The following SGCG variants were observed in gnomAD, a reference collection of about 807,000 sequenced individuals.
SGCG encodes gamma-sarcoglycan.
SGCG carries 26 observed loss-of-function variants against 29.3 expected under a neutral mutation model. The ratio of observed to expected loss-of-function variants is 0.89; its 90% CI spans 0.65 to 1.23. The LOEUF (loss-of-function observed/expected upper bound fraction) is 1.23, where lower values mean the gene tolerates loss of function less well. SGCG is among the 50% of genes most tolerant of loss of function. The pLI, the probability that SGCG is intolerant of heterozygous loss-of-function variation, is 0.00. For missense variants in SGCG, 353 were observed against 356.0 expected (o/e 0.99, Z 0.07); for synonymous variants, 145 against 129.7 (o/e 1.12, Z -0.80).
At chr13:23,175,537 C>A in the SGCG span, among the ~76,000 whole-genome samples, 1 of 152,120 alleles carries the variant, frequency 6.6e-6, no homozygotes. Flanking sequence ...GTCATGAGTT[C>A]ATGGAAGCCA....
chr13:23,175,149 G>A, the SGCG span, among the ~76,000 whole-genome samples: 2 of 152,222 alleles, frequency 1.3e-5, no homozygotes, highest in East Asian at 1.9e-4. Flanking sequence ...GGAAAGTGCT[G>A]CAGGATGAAA....
intron 4 of SGCG, among the ~76,000 whole-genome samples, chr13:23,277,448 G>T (rs1342871784): frequency 6.6e-6 from 1 of 151,462 alleles, no homozygotes; most frequent in Non-Finnish European, 1.5e-5. Flanking sequence ...AGAGAAAAAA[G>T]TCAACTTTAT....
intron 2 of SGCG, among the ~76,000 whole-genome samples, chr13:23,227,387 TATTGCTTATGGGAATGCAAA>T (rs1331765064): frequency 6.6e-6 from 1 of 151,676 alleles, no homozygotes; most frequent in Non-Finnish European, 1.5e-5. Flanking sequence ...AACTCTCCTA[TATTGCTTATGGGAATGCAAA>T]ATGGTGTGGC....
chr13:23,308,313 C>A (rs535918), intron 6 of SGCG, among the ~76,000 whole-genome samples: 84,215 of 151,996 alleles, frequency 0.55, 24,491 homozygotes, highest in East Asian at 0.84. Flanking sequence ...AAATAATTTT[C>A]TTTTGCTTTC....
intron 2 of SGCG, among the ~76,000 whole-genome samples, chr13:23,229,218 T>C (rs1879015534): frequency 6.6e-6 from 1 of 152,192 alleles, no homozygotes; most frequent in Non-Finnish European, 1.5e-5. Flanking sequence ...TTTAAGTTGA[T>C]TCCATGTCTT....
intron 6 of SGCG, among the ~76,000 whole-genome samples, chr13:23,301,983 T>C (rs1882177773): frequency 6.6e-6 from 1 of 152,144 alleles, no homozygotes; most frequent in African/African-American, 2.4e-5. Context: ...TGATGACCTT[T>C]TATGGTTTAA....
chr13:23,163,741 A>G, the SGCG span, among the ~76,000 whole-genome samples: 6 of 152,216 alleles, frequency 3.9e-5, no homozygotes, highest in African/African-American at 7.2e-5. Context: ...AAACTAAGAT[A>G]TAGTAAGTTA....
intron 4 of SGCG, among the ~76,000 whole-genome samples, chr13:23,269,823 T>C (rs1023043424): frequency 4.0e-5 from 6 of 151,608 alleles, no homozygotes; most frequent in Non-Finnish European, 8.8e-5. Context: ...AGAGTAACAA[T>C]TGCATATGTA....
intron 1 of SGCG, among the ~76,000 whole-genome samples, chr13:23,200,905 G>A (rs1031593504): frequency 5.9e-5 from 9 of 152,170 alleles, no homozygotes; most frequent in Non-Finnish European, 2.9e-5. Flanking sequence ...TGGAGCAGGA[G>A]GAGTCAGGGC....
At chr13:23,253,380 G>A (rs973677252) in intron 4 of SGCG, among the ~76,000 whole-genome samples, 3 of 152,184 alleles carry the variant, frequency 2.0e-5, no homozygotes, top group South Asian at 4.1e-4. Context: ...ATCTTTAGTT[G>A]GAAAGTCTCT....
intron 2 of SGCG, among the ~76,000 whole-genome samples, chr13:23,208,382 C>T (rs560323964): frequency 1.8e-4 from 27 of 152,166 alleles, no homozygotes; most frequent in Non-Finnish European, 2.6e-4. Flanking sequence ...AAACTAACTA[C>T]AAATGATATA....
intron 7 of SGCG, among the ~76,000 whole-genome samples, chr13:23,322,458 G>A (rs528720366): frequency 1.3e-5 from 2 of 152,300 alleles, no homozygotes; most frequent in East Asian, 1.9e-4. Flanking sequence ...CATATGGCCT[G>A]TGTTGCAAGG....
At chr13:23,210,521 C>G (rs1019313719) in intron 2 of SGCG, among the ~76,000 whole-genome samples, 53 of 152,168 alleles carry the variant, frequency 3.5e-4, no homozygotes, top group African/African-American at 1.2e-3. Context: ...GAAACCCTGT[C>G]TCTACTAAAA....
chr13:23,276,854 T>C (rs534350021), intron 4 of SGCG, among the ~76,000 whole-genome samples: 2 of 152,374 alleles, frequency 1.3e-5, no homozygotes, highest in African/African-American at 4.8e-5. Flanking sequence ...TGCATCCCAA[T>C]GCTTAGCAAA....
chr13:23,189,769 CA>C (rs1817731991), intron 1 of SGCG, among the ~76,000 whole-genome samples: 1 of 152,126 alleles, frequency 6.6e-6, no homozygotes, highest in African/African-American at 2.4e-5. Flanking sequence ...AGATAAGAGA[CA>C]AGAGAGAAAG....
the SGCG span, among the ~76,000 whole-genome samples, chr13:23,160,631 C>A: frequency 6.6e-6 from 1 of 152,140 alleles, no homozygotes; most frequent in African/African-American, 2.4e-5. Context: ...CCCCGGGACT[C>A]CAAGAAGTAC....
chr13:23,248,127 TA>T lies in SGCG; in HGVS notation c.298-2497del, dbSNP rs553926208. Among the ~76,000 whole-genome samples, 9 of 151,038 alleles carry T rather than the reference TA, an allele frequency of 6.0e-5. No individual in the cohort carries two copies. The East Asian group carries it at 1.8e-3, about 30-fold the overall frequency. On this transcript the variant is annotated intron_variant, in intron 3 of 7. Coordinates refer to ENST00000218867, the MANE Select transcript of SGCG (RefSeq NM_000231.3). ...CTGCCTCTAAAAAACATTTTTTAAA[TA>T]AAAAATGTAAGTATACACTCAAAAA...
upstream of SGCG, among the ~76,000 whole-genome samples, chr13:23,177,523 C>T (rs948717184): frequency 3.4e-5 from 5 of 146,962 alleles, no homozygotes; most frequent in Admixed American, 6.8e-5. Flanking sequence ...AATATGTGTC[C>T]GTTTTTTTTT....
At chr13:23,259,524 T>G (rs924705587) in intron 4 of SGCG, among the ~76,000 whole-genome samples, 1 of 152,194 alleles carries the variant, frequency 6.6e-6, no homozygotes, top group Non-Finnish European at 1.5e-5. Context: ...TTTGAAGGGT[T>G]TTTTATGTTT....
Sources: gnomAD v4.1 joint callset for allele counts (sites outside exome capture counted in the v4.1 genomes callset) on GRCh38, gnomAD v4.1.1 for gene constraint, MANE v1.5 for transcripts, NCBI Gene and HGNC (gene_info 2026-07-23, HGNC 2026-07-21) for gene names.